Variants in DISC1 observed in about 807,000 individuals in gnomAD.
The protein encoded by DISC1 is disrupted in schizophrenia 1 protein.
DISC1 carries 57 observed loss-of-function variants against 84.5 expected under a neutral mutation model. That is an observed-to-expected ratio of 0.67 (90% confidence interval 0.55 to 0.84). DISC1 has a LOEUF of 0.84. DISC1 is among the 40% of genes least tolerant of loss of function. The pLI, the probability that DISC1 is intolerant of heterozygous loss-of-function variation, is 0.00. For missense variants in DISC1, 1,000 were observed against 1,057.8 expected, an observed-to-expected ratio of 0.95 and a Z score of 0.76; for synonymous variants, 411 against 415.2, an observed-to-expected ratio of 0.99 and a Z score of 0.12.
rs1401062127 is a variant in DISC1 at position 231,878,582 on chromosome 1, CT to C, written c.1981+60068del. Among the ~76,000 whole-genome samples, 15 of 152,266 alleles carry C rather than the reference CT, an allele frequency of 9.9e-5. 1 individual carries two copies. The highest frequency in any genetic ancestry group is 3.3e-4 in the Admixed American group (5 of 15,292). On this transcript the variant is annotated intron_variant, in intron 9 of 12. Coordinates refer to ENST00000439617, the MANE Select transcript of DISC1 (RefSeq NM_018662.3). ...CTTGAAGCAAGTGAAGGACTTTCAT[CT>C]TTATATAAAGGGCAATGGAAAGTTG...
intron 9 of DISC1, among the ~76,000 whole-genome samples, chr1:231,837,618 T>C (rs2082717940): frequency 6.6e-6 from 1 of 152,220 alleles, no homozygotes; most frequent in Non-Finnish European, 1.5e-5. Flanking sequence ...GAAAAACTTA[T>C]TATCTGCATG....
chr1:231,742,438 T>A (rs889392533), intron 3 of DISC1, among the ~76,000 whole-genome samples: 35 of 152,094 alleles, frequency 2.3e-4, no homozygotes, highest in African/African-American at 7.5e-4. Flanking sequence ...GCTATGCAAT[T>A]GCTGGTGACC....
intron 3 of DISC1, among the ~76,000 whole-genome samples, chr1:231,738,989 C>A (rs190447337): frequency 6.6e-6 from 1 of 152,294 alleles, no homozygotes; most frequent in Non-Finnish European, 1.5e-5. Flanking sequence ...CAGCCCTGGC[C>A]TCAGCCATTT....
intron 6 of DISC1, among the ~76,000 whole-genome samples, chr1:231,789,672 C>T (rs961176272): frequency 6.6e-6 from 1 of 152,100 alleles, no homozygotes; most frequent in African/African-American, 2.4e-5. Context: ...TGGCTGTCTC[C>T]TCCTGTATAA....
chr1:231,663,386 G>A (rs1319518014), intron 1 of DISC1, among the ~76,000 whole-genome samples: 1 of 152,176 alleles, frequency 6.6e-6, no homozygotes, highest in Non-Finnish European at 1.5e-5. Flanking sequence ...AATGCAGTAT[G>A]TGGGCTAGTC....
intron 12 of DISC1, among the ~76,000 whole-genome samples, chr1:232,027,528 G>GGAC (rs34726204): frequency 0.19 from 28,679 of 152,002 alleles, 3,000 homozygotes; most frequent in African/African-American, 0.27. Context: ...GTTGATCTGT[G>GGAC]GACGCAGTTT....
chr1:231,912,005 C>A (rs1004068999), intron 9 of DISC1, among the ~76,000 whole-genome samples: 1 of 152,122 alleles, frequency 6.6e-6, no homozygotes, highest in Non-Finnish European at 1.5e-5. Flanking sequence ...GTTCTCGTAC[C>A]ATGTTTTTCA....
rs2087755963 is a variant in DISC1, at chr1:231,897,132, G to C, written c.1982-61696G>C. ...CAGGGCATGGTAAGACTTCAGAAAG[G>C]AAGTGACATTGGAGGTACATCTTGA... On this transcript the variant is annotated intron_variant, in intron 9 of 12. Coordinates refer to ENST00000439617, the MANE Select transcript of DISC1 (RefSeq NM_018662.3). The surrounding 1 kb of genome is among the most constrained non-coding windows in gnomAD (Gnocchi z 4.5). Among the ~76,000 whole-genome samples the C allele has an allele frequency of 6.6e-6, 1 of 152,190 alleles. No homozygotes were observed. Among genetic ancestry groups the C allele is most frequent in the Non-Finnish European group, 1.5e-5 (1 of 68,024 alleles).
chr1:231,766,879 CAT>C (rs1411393069), intron 4 of DISC1, among the ~76,000 whole-genome samples: 1 of 152,118 alleles, frequency 6.6e-6, no homozygotes, highest in Non-Finnish European at 1.5e-5. Flanking sequence ...CCATGTGTCA[CAT>C]GTGGTCAGGG....
At position 231,771,131 on chromosome 1, in the gene DISC1, G is replaced by A. The variant is rs201159389; in HGVS notation, c.1634+61G>A. The A allele has an allele frequency of 5.3e-5, 79 of 1,485,880 alleles. No homozygotes were observed. In the East Asian group the frequency reaches 1.8e-3, roughly 34 times the overall value. 92.0% of individuals were successfully genotyped at this position (1,485,880 alleles called of 1,614,324 possible). ...GCCTCTTTGACCTGTTCATTGGAAT[G>A]ATTTTGTCTGCTGTCTTTCATTTCT... On this transcript the variant is annotated intron_variant, in intron 6 of 12. Coordinates refer to ENST00000439617, the MANE Select transcript of DISC1 (RefSeq NM_018662.3).
intron 1 of DISC1, among the ~76,000 whole-genome samples, chr1:231,689,613 T>C (rs2064741949): frequency 6.6e-6 from 1 of 152,200 alleles, no homozygotes. Context: ...ATTACAGGCA[T>C]GAGCCACTGC....
intron 9 of DISC1, among the ~76,000 whole-genome samples, chr1:231,912,260 AT>A (rs1165596729): frequency 2.8e-4 from 42 of 152,016 alleles, no homozygotes; most frequent in African/African-American, 8.2e-4. Flanking sequence ...AGACACTCTG[AT>A]TTTTAGAATT....
chr1:231,869,275 A>G (rs1481503901), intron 9 of DISC1, among the ~76,000 whole-genome samples: 1 of 152,132 alleles, frequency 6.6e-6, no homozygotes, highest in Non-Finnish European at 1.5e-5. Flanking sequence ...GTCTTTACAG[A>G]CACTTAACTC....
intron 4 of DISC1, among the ~76,000 whole-genome samples, chr1:231,762,233 CTTTTCTTTTCTTTTCTTTTCTTTA>C (rs2075778469): frequency 3.0e-5 from 1 of 33,570 alleles, no homozygotes; most frequent in Non-Finnish European, 6.9e-5. Flanking sequence ...CTTTTCTTTT[CTTTTCTTTTCTTTTCTTTTCTTTA>C]TTTTCTTTCC....
chr1:231,702,180 GT>G, intron 3 of DISC1, 156 bp downstream of exon 3: 1 of 1,394,852 alleles, frequency 7.2e-7, no homozygotes, highest in Non-Finnish European at 9.2e-7. Context: ...CAGCATTATT[GT>G]TTTGTAGATT....
At chr1:231,666,432 C>G (rs2062028219) in intron 1 of DISC1, among the ~76,000 whole-genome samples, 1 of 151,922 alleles carries the variant, frequency 6.6e-6, no homozygotes, top group African/African-American at 2.4e-5. Context: ...TAGAGCTAAT[C>G]TAATTAAAGG....
Position 231,660,345 on chromosome 1 carries a change from T to C in DISC1, c.67+33411T>C, listed in dbSNP as rs369833039. Among the ~76,000 whole-genome samples, 12 of 152,274 alleles carry C rather than the reference T, an allele frequency of 7.9e-5. No individual in the cohort carries two copies. The East Asian group carries it at 9.6e-4, about 12-fold the overall frequency. ...CTTGGTAAATTTTCCTTCATCCTTT[T>C]ATTTTGAACCTGTGTATGTCTTGCA... On this transcript the variant is annotated intron_variant, in intron 1 of 12. Transcript: ENST00000439617.
intron 1 of DISC1, among the ~76,000 whole-genome samples, chr1:231,680,066 A>G (rs545694609): frequency 1.3e-5 from 2 of 152,228 alleles, no homozygotes; most frequent in East Asian, 1.9e-4. Flanking sequence ...CGTCTCTACT[A>G]AAAATACAGA....
chr1:231,913,781 T>C (rs573702662), intron 9 of DISC1, among the ~76,000 whole-genome samples: 35 of 152,318 alleles, frequency 2.3e-4, no homozygotes, highest in African/African-American at 8.2e-4. Flanking sequence ...CGGGTTGCAG[T>C]AGGTGACCGT....
Sources: allele counts gnomAD v4.1 joint callset (sites outside exome capture counted in the v4.1 genomes callset), GRCh38; gene constraint gnomAD v4.1.1; non-coding constraint Gnocchi (gnomAD v3.1); transcripts MANE v1.5; gene names NCBI Gene and HGNC (gene_info 2026-07-23, HGNC 2026-07-21).